FRAS1: variants seen among roughly 807,000 people sequenced by gnomAD.
The protein encoded by FRAS1 is extracellular matrix organizing protein FRAS1.
Under a neutral mutation model 435.2 loss-of-function variants are expected in FRAS1, and 290 were observed. The observed-to-expected ratio is 0.67, with a 90% CI of 0.61 to 0.73. FRAS1 has a LOEUF of 0.73. FRAS1 is among the 30% of genes least tolerant of loss of function. The probability of loss-of-function intolerance (pLI) is 0.00; values close to 1 mark genes in which losing one functional copy is unlikely to be tolerated. For missense variants in FRAS1, 4,860 were observed against 5,001.5 expected (o/e 0.97, Z 0.85); for synonymous variants, 1,800 against 1,851.0 (o/e 0.97, Z 0.71).
chr4:78,088,624 G>A (rs1214683365), intron 2 of FRAS1, among the ~76,000 whole-genome samples: 1 of 152,122 alleles, frequency 6.6e-6, no homozygotes, highest in African/African-American at 2.4e-5. Flanking sequence ...CAAAGGATAT[G>A]AACAGACACT....
At position 78,364,044 on chromosome 4, in the gene FRAS1, TG is replaced by T; in HGVS notation, c.2713del (p.Val905PhefsTer65). On this transcript the variant is annotated frameshift_variant, in exon 22 of 74. Coordinates refer to ENST00000512123, the MANE Select transcript of FRAS1 (RefSeq NM_025074.7). LOFTEE classifies it high-confidence loss of function. The stretch of plus-strand genomic sequence containing the variant: ...CTGGGCACTATCTTGATGACAATCA[TG>T]TTTGCCAGCGTAGGTTTTTCCAATG... ...FPGHYLDDNH[V>X]CQPCNTHCGS... 6.3e-7 allele frequency: 1 copy of T among 1,587,858 alleles called. No homozygotes were observed. Among genetic ancestry groups the T allele is most frequent in the Non-Finnish European group, 8.6e-7 (1 of 1,166,424 alleles).
chr4:78,473,697 T>G (rs960984562), intron 53 of FRAS1, 100 bp downstream of exon 53: 1 of 777,410 alleles, frequency 1.3e-6, no homozygotes, highest in African/African-American at 1.7e-5. Flanking sequence ...CACCTCTTGA[T>G]GGCGGTGATG....
At chr4:78,143,034 T>C (rs1720259492) in intron 2 of FRAS1, among the ~76,000 whole-genome samples, 4 of 152,094 alleles carry the variant, frequency 2.6e-5, no homozygotes, top group Admixed American at 2.6e-4. Flanking sequence ...ACATATAAAA[T>C]AGTCAAGCTT....
At chr4:78,116,958 G>T (rs1358232932) in intron 2 of FRAS1, among the ~76,000 whole-genome samples, 2 of 152,206 alleles carry the variant, frequency 1.3e-5, no homozygotes, top group African/African-American at 2.4e-5. Flanking sequence ...TGTTTTTGCA[G>T]TGGGTCTTAC....
At chr4:78,526,211 A>G (rs1382192644) in intron 69 of FRAS1, among the ~76,000 whole-genome samples, 1 of 152,194 alleles carries the variant, frequency 6.6e-6, no homozygotes, top group Non-Finnish European at 1.5e-5. Context: ...AGTCTCATGA[A>G]ATCCAAAGGA....
chr4:78,480,873 C>T (rs1003905722), intron 56 of FRAS1, among the ~76,000 whole-genome samples: 3 of 152,226 alleles, frequency 2.0e-5, no homozygotes, highest in African/African-American at 7.2e-5. Context: ...TTTTTGAGCA[C>T]TTACCGAATG....
chr4:78,172,519 G>C (rs1232055489), intron 2 of FRAS1, among the ~76,000 whole-genome samples: 1 of 152,034 alleles, frequency 6.6e-6, no homozygotes, highest in African/African-American at 2.4e-5. Flanking sequence ...TTGGAAATTT[G>C]TTTTTAGTTA....
chr4:78,494,626 G>T (rs58971322), intron 59 of FRAS1, among the ~76,000 whole-genome samples: 1 of 152,114 alleles, frequency 6.6e-6, no homozygotes, highest in Non-Finnish European at 1.5e-5. Context: ...TCTTCCACCA[G>T]GCCCCACTTC....
At position 78,421,969 on chromosome 4, in the gene FRAS1, C is replaced by A; in HGVS notation, c.4647C>A (p.His1549Gln). The A allele has an allele frequency of 6.2e-7, 1 of 1,613,388 alleles. No individual in the cohort carries two copies. Among genetic ancestry groups the A allele is most frequent in the South Asian group, 1.1e-5 (1 of 90,934 alleles). Residue 1549 changes from histidine (H) to glutamine (Q), a missense_variant, in exon 34 of 74, where the codon CAC becomes CAA. Physicochemically the swap from His to Gln is conservative, Grantham distance 24. Coordinates refer to ENST00000512123, the MANE Select transcript of FRAS1 (RefSeq NM_025074.7). ...ACCGCCCTCCCCCGGCAGCACCCCACCTCCAGGAGCTCATGGCCTTCTCGT... is the reference window on the plus strand; with the variant it reads ...ACCGCCCTCCCCCGGCAGCACCCCAACTCCAGGAGCTCATGGCCTTCTCGT... ...VMYRPPPAAP[H>Q]LQELMAFSFA...
intron 9 of FRAS1, among the ~76,000 whole-genome samples, chr4:78,274,421 A>G (rs919679477): frequency 3.3e-5 from 5 of 152,066 alleles, no homozygotes; most frequent in African/African-American, 1.2e-4. Context: ...TGTCAATTTT[A>G]GATCTTTCCT....
intron 59 of FRAS1, 93 bp downstream of exon 59, chr4:78,489,173 A>C: frequency 1.7e-6 from 2 of 1,207,552 alleles, no homozygotes; most frequent in Non-Finnish European, 2.3e-6. Flanking sequence ...AAAAATTCTC[A>C]GAATTTTGTA....
Position 78,379,871 on chromosome 4 carries a change from C to T in FRAS1, c.3438C>T (p.Pro1146=). The T allele has an allele frequency of 1.2e-6, 2 of 1,613,918 alleles. No individual in the cohort carries two copies. The highest frequency in any genetic ancestry group is 2.7e-5 in the African/African-American group (2 of 75,026). Residue 1146 remains proline (P), a synonymous_variant, in exon 27 of 74, where the codon CCC becomes CCT. Coordinates refer to ENST00000512123, the MANE Select transcript of FRAS1 (RefSeq NM_025074.7). ...TCCTATTTCATGTTGTGAGCACTCCCACCAATGGTCAGCTAGTGCTCTCAA... is the reference window on the plus strand; with the variant it reads ...TCCTATTTCATGTTGTGAGCACTCCTACCAATGGTCAGCTAGTGCTCTCAA... ...EDLLFHVVST[P]TNGQLVLSRN... is the part of the protein sequence containing the mutation.
chr4:78,112,734 A>G (rs956748251), intron 2 of FRAS1, among the ~76,000 whole-genome samples: 2 of 152,092 alleles, frequency 1.3e-5, no homozygotes, highest in Non-Finnish European at 2.9e-5. Flanking sequence ...TAATACATTT[A>G]TTATATATCT....
Position 78,507,605 on chromosome 4 carries a change from C to T in FRAS1, c.9501C>T (p.Pro3167=). The change falls in exon 62 of 74, where the codon CCC becomes CCT. Residue 3167 remains proline (P), a synonymous_variant. Transcript: ENST00000512123. ...GGAGCCTCATATTGCCAGCACCACCCATTGTGAGTTGCTTGACCCAAAGGA... is the reference window on the plus strand; with the variant it reads ...GGAGCCTCATATTGCCAGCACCACCTATTGTGAGTTGCTTGACCCAAAGGA... ...AAGSLILPAP[P]IVVTLADYDH... 6.3e-7 allele frequency: 1 copy of T among 1,585,388 alleles called. No individual in the cohort carries two copies. Among genetic ancestry groups the T allele is most frequent in the Non-Finnish European group, 8.5e-7 (1 of 1,170,962 alleles).
intron 14 of FRAS1, among the ~76,000 whole-genome samples, chr4:78,297,892 A>G (rs17003113): frequency 0.018 from 2,744 of 152,052 alleles, 87 homozygotes; most frequent in African/African-American, 0.063. Flanking sequence ...TAGAAATTAG[A>G]AATCAATTGC....
At chr4:78,082,982 A>C (rs867933107) in intron 2 of FRAS1, among the ~76,000 whole-genome samples, 1 of 152,304 alleles carries the variant, frequency 6.6e-6, no homozygotes, top group South Asian at 2.1e-4. Flanking sequence ...GCATGGAGTC[A>C]GCACAGATGA....
intron 2 of FRAS1, among the ~76,000 whole-genome samples, chr4:78,112,325 C>G (rs549393020): frequency 6.6e-6 from 1 of 152,270 alleles, no homozygotes; most frequent in South Asian, 2.1e-4. Flanking sequence ...ACTCACCAAT[C>G]ACTTCATACA....
chr4:78,229,583 C>T (rs1560592004), intron 2 of FRAS1, among the ~76,000 whole-genome samples: 1 of 152,156 alleles, frequency 6.6e-6, no homozygotes. Flanking sequence ...GTAGGCAGCA[C>T]TGCCCTAGTG....
chr4:78,201,895 G>C (rs1723063171), intron 2 of FRAS1, among the ~76,000 whole-genome samples: 1 of 152,134 alleles, frequency 6.6e-6, no homozygotes, highest in Non-Finnish European at 1.5e-5. Flanking sequence ...TCATGTTAGG[G>C]GGCATGACCA....
Sources: gnomAD v4.1 joint callset for allele counts (sites outside exome capture counted in the v4.1 genomes callset) on GRCh38, gnomAD v4.1.1 for gene constraint, MANE v1.5 for transcripts, NCBI Gene and HGNC (gene_info 2026-07-23, HGNC 2026-07-21) for gene names.